PDE3B: variants seen among roughly 807,000 people sequenced by gnomAD.
PDE3B encodes phosphodiesterase 3B, also known as cGMP-inhibited 3',5'-cyclic phosphodiesterase 3B.
In PDE3B, 66 loss-of-function variants were observed where a neutral mutation model predicts 116.8. The ratio of observed to expected loss-of-function variants is 0.56; its 90% confidence interval spans 0.46 to 0.69. The LOEUF (loss-of-function observed/expected upper bound fraction) is 0.69, where lower values mean the gene tolerates loss of function less well. Among genes scored for constraint, PDE3B ranks in the 30% least tolerant of loss-of-function variants. The probability of loss-of-function intolerance (pLI) is 0.00; values close to 1 mark genes in which losing one functional copy is unlikely to be tolerated. For missense variants in PDE3B, 1,384 were observed against 1,368.1 expected (o/e 1.01, Z -0.18); for synonymous variants, 595 against 533.6 (o/e 1.12, Z -1.59).
rs763744588 is a variant in PDE3B, at chr11:14,749,910, A to ATATATATATATATATATATATATATATG, written c.979-22024_979-22023insATATATATATATATATATATATATGTAT. ...AAATAAATATATCCCATATATATAT[A>ATATATATATATATATATATATATATATG]TATGTATCTTTGTGGAAGCTGAGAA... is the stretch of plus-strand genomic sequence containing the variant. On this transcript the variant is annotated intron_variant, in intron 1 of 15. Transcript: ENST00000282096. 9.6e-4 allele frequency among the ~76,000 whole-genome samples: 126 copies of ATATATATATATATATATATATATATATG among 131,424 alleles called. 6 individuals carry two copies. The highest frequency in any genetic ancestry group is 3.2e-3 in the African/African-American group (101 of 31,760). 86.2% of individuals were successfully genotyped at this position (131,424 alleles called of 152,430 possible).
intron 2 of PDE3B, among the ~76,000 whole-genome samples, chr11:14,780,206 A>G (rs1857940873): frequency 6.6e-6 from 1 of 152,188 alleles, no homozygotes; most frequent in Non-Finnish European, 1.5e-5. Context: ...ACTCCCACAC[A>G]ATAATAATGG....
intron 5 of PDE3B, among the ~76,000 whole-genome samples, chr11:14,807,857 G>A (rs1423290977): frequency 6.6e-6 from 1 of 152,004 alleles, no homozygotes; most frequent in Non-Finnish European, 1.5e-5. Context: ...GACCAGCCTG[G>A]CCAACATGGT....
intron 1 of PDE3B, among the ~76,000 whole-genome samples, chr11:14,756,965 A>T (rs1250778092): frequency 1.5e-5 from 1 of 68,366 alleles, no homozygotes. Flanking sequence ...CCCCCACCCC[A>T]CCACAGTCCC....
chr11:14,667,178 G>T (rs1022297940), intron 1 of PDE3B, among the ~76,000 whole-genome samples: 1 of 151,182 alleles, frequency 6.6e-6, no homozygotes, highest in African/African-American at 2.4e-5. Flanking sequence ...GTAAACTATC[G>T]CAAGGACAAA....
At chr11:14,762,845 C>G (rs1268167450) in intron 1 of PDE3B, among the ~76,000 whole-genome samples, 2 of 152,080 alleles carry the variant, frequency 1.3e-5, no homozygotes, top group African/African-American at 2.4e-5. Context: ...ATATTTTTGG[C>G]CTAAGCCAAG....
chr11:14,841,435 G>A (rs1347352883), intron 11 of PDE3B, among the ~76,000 whole-genome samples: 2 of 148,460 alleles, frequency 1.3e-5, no homozygotes, highest in African/African-American at 4.9e-5. Flanking sequence ...ATTTGCCAAA[G>A]GCCATTCACT....
In PDE3B at chr11:14,685,582, A is replaced by G. The variant is rs113819823; in HGVS notation, c.978+40529A>G. On this transcript the variant is annotated intron_variant, in intron 1 of 15. Transcript: ENST00000282096. The stretch of plus-strand genomic sequence containing the variant: ...GTGCTTTTTCTCCCTCAGCTTCCCA[A>G]GTAGCTGGGATTACAGACGTGCACC... Among the ~76,000 whole-genome samples, 874 of 150,644 alleles carry G rather than the reference A, an allele frequency of 5.8e-3. 10 individuals are homozygous for G. Among genetic ancestry groups the G allele is most frequent in the African/African-American group, 0.021 (845 of 41,084 alleles).
At chr11:14,708,646 C>A (rs1283024982) in intron 1 of PDE3B, among the ~76,000 whole-genome samples, 1 of 151,876 alleles carries the variant, frequency 6.6e-6, no homozygotes, top group Non-Finnish European at 1.5e-5. Flanking sequence ...GTTGATTTTT[C>A]TGGAGTCGAT....
At chr11:14,893,271 G>A in the PDE3B span, among the ~76,000 whole-genome samples, 1 of 152,188 alleles carries the variant, frequency 6.6e-6, no homozygotes, top group Non-Finnish European at 1.5e-5. Flanking sequence ...TCAATAATCA[G>A]AAGCAAACAA....
intron 1 of PDE3B, among the ~76,000 whole-genome samples, chr11:14,665,374 C>G (rs573492715): frequency 6.4e-4 from 98 of 152,312 alleles, no homozygotes; most frequent in African/African-American, 2.3e-3. Flanking sequence ...GGGATGCTGT[C>G]TCTCACCACT....
intron 1 of PDE3B, among the ~76,000 whole-genome samples, chr11:14,693,417 C>G (rs1376790450): frequency 6.6e-6 from 1 of 152,162 alleles, no homozygotes; most frequent in East Asian, 1.9e-4. Flanking sequence ...AGGTCAATGC[C>G]TGGTTTCAAA....
intron 5 of PDE3B, among the ~76,000 whole-genome samples, chr11:14,812,496 A>G (rs901986165): frequency 6.6e-6 from 1 of 152,214 alleles, no homozygotes. Context: ...TGGGAAATTT[A>G]TAGCAAAAAA....
At chr11:14,766,095 T>C (rs1857486658) in intron 1 of PDE3B, among the ~76,000 whole-genome samples, 1 of 151,670 alleles carries the variant, frequency 6.6e-6, no homozygotes, top group Admixed American at 6.6e-5. Flanking sequence ...AAGGTAAATG[T>C]ATAAAAAAGA....
chr11:14,835,225 GT>G (rs1860017032), intron 11 of PDE3B, 130 bp downstream of exon 11: 2 of 554,104 alleles, frequency 3.6e-6, no homozygotes, highest in East Asian at 6.1e-5. Context: ...GACTGTGTAC[GT>G]TTTTTTAACC....
At chr11:14,777,955 C>T (rs550864466) in intron 2 of PDE3B, among the ~76,000 whole-genome samples, 11 of 152,244 alleles carry the variant, frequency 7.2e-5, no homozygotes, top group African/African-American at 9.6e-5. Context: ...ACTCCCACTG[C>T]GCTTTTCCAC....
At chr11:14,675,566 A>G (rs866045100) in intron 1 of PDE3B, among the ~76,000 whole-genome samples, 2 of 152,048 alleles carry the variant, frequency 1.3e-5, no homozygotes, top group African/African-American at 2.4e-5. Flanking sequence ...TTCTATTGCC[A>G]TGTATTTGTT....
chr11:14,745,468 T>G (rs1856887040), intron 1 of PDE3B, among the ~76,000 whole-genome samples: 2 of 152,274 alleles, frequency 1.3e-5, no homozygotes, highest in Admixed American at 6.5e-5. Context: ...GTTCCTGTTG[T>G]GGATCAACCA....
chr11:14,792,769 T>G (rs562084832), intron 4 of PDE3B, among the ~76,000 whole-genome samples: 1 of 152,296 alleles, frequency 6.6e-6, no homozygotes, highest in East Asian at 1.9e-4. Context: ...ACCCTTTTAA[T>G]TTAAAAAGCA....
intron 1 of PDE3B, among the ~76,000 whole-genome samples, chr11:14,659,690 C>T (rs769921251): frequency 1.5e-4 from 23 of 152,116 alleles, no homozygotes; most frequent in Non-Finnish European, 2.9e-5. Context: ...TGCTGTTCCT[C>T]CCTACGTGGT....
Sources: allele counts gnomAD v4.1 joint callset (sites outside exome capture counted in the v4.1 genomes callset), GRCh38; gene constraint gnomAD v4.1.1; transcripts MANE v1.5; gene names NCBI Gene and HGNC (gene_info 2026-07-23, HGNC 2026-07-21).